The following MYO7B variants were observed in gnomAD, a reference collection of about 807,000 sequenced individuals.
MYO7B encodes myosin VIIB.
Under a neutral mutation model 259.7 loss-of-function variants are expected in MYO7B, and 212 were observed. The observed-to-expected ratio is 0.82, with a 90% CI of 0.73 to 0.91. MYO7B has a LOEUF of 0.91. MYO7B is among the 40% of genes least tolerant of loss of function. The probability of loss-of-function intolerance (pLI) is 0.00; values close to 1 mark genes in which losing one functional copy is unlikely to be tolerated. For missense variants in MYO7B, 2,732 were observed against 2,813.5 expected, an observed-to-expected ratio of 0.97 and a Z score of 0.66; for synonymous variants, 1,197 against 1,166.4, an observed-to-expected ratio of 1.03 and a Z score of -0.54.
Position 127,546,196 on chromosome 2 carries a change from C to T in MYO7B, c.-24+10365C>T, listed in dbSNP as rs982169247. Among the ~76,000 whole-genome samples, 7 of 152,246 alleles carry T rather than the reference C, an allele frequency of 4.6e-5. No homozygotes were observed. Among genetic ancestry groups the T allele is most frequent in the Non-Finnish European group, 8.8e-5 (6 of 68,044 alleles). ...GGCAAAGCTTTGTCAGTGCCCCTTC[C>T]GGGCTGGTATCCCATAGGCCAGAGT... is the stretch of plus-strand genomic sequence containing the variant. On this transcript the variant is annotated intron_variant, in intron 1 of 47. Transcript: ENST00000409816. The surrounding 1 kb of genome is among the most constrained non-coding windows in gnomAD (Gnocchi z 4.2).
rs149635421 is a variant in MYO7B, at chr2:127,612,182, G to A, written c.3193-68G>A. The A allele has an allele frequency of 2.0e-3, 1,085 of 529,276 alleles. 11 individuals are homozygous for A. The highest frequency in any genetic ancestry group is 0.018 in the African/African-American group (945 of 52,820). The allele number at this position is 529,276 out of a possible 1,614,324, so 32.8% of individuals were successfully genotyped here. A position where few individuals can be genotyped will look rare whatever the true frequency, so the allele number is the denominator to read the frequency against. Reference sequence around the variant, plus strand: ...AGGGACACGTGCTCCACCCCAGGAGGCTGTGGGGTCAGCATCACTGAGGTG... The same window carrying A: ...AGGGACACGTGCTCCACCCCAGGAGACTGTGGGGTCAGCATCACTGAGGTG... On this transcript the variant is annotated intron_variant, in intron 24 of 47. Transcript: ENST00000409816.
chr2:127,566,889 G>A, intron 5 of MYO7B, 62 bp downstream of exon 5: 1 of 1,535,006 alleles, frequency 6.5e-7, no homozygotes, highest in Non-Finnish European at 8.8e-7. Context: ...CCACCAGCAT[G>A]CCTGCAAGAT....
rs751120163 is a variant in MYO7B at position 127,567,660 on chromosome 2, G to A, written c.470+833G>A. On this transcript the variant is annotated intron_variant, in intron 5 of 47. Transcript: ENST00000409816. ...GGCGTGGATGACATGATCCACCTGG[G>A]GGATTCATTCATTCATTCATTCATT... 1.8e-4 allele frequency among the ~76,000 whole-genome samples: 27 copies of A among 151,746 alleles called. No individual in the cohort carries two copies. In the South Asian group the frequency reaches 2.1e-3, roughly 12 times the overall value.
At chr2:127,568,894 C>T (rs1011221747) in intron 5 of MYO7B, among the ~76,000 whole-genome samples, 3 of 144,850 alleles carry the variant, frequency 2.1e-5, no homozygotes, top group Non-Finnish European at 3.0e-5. Flanking sequence ...AGCAAGACTC[C>T]GTCTCAAAAA....
rs1258307648 is a variant in MYO7B, at chr2:127,597,380, G to GA, written c.2339+826dup. 6.6e-6 allele frequency among the ~76,000 whole-genome samples: 1 copy of GA among 152,142 alleles called. No homozygotes were observed. The highest frequency in any genetic ancestry group is 1.5e-5 in the Non-Finnish European group (1 of 68,034). ...TAATCTTCACCCATTTCCCCCAGTG[G>GA]AACGTCTTACCACCAGGATTCCTTC... is the stretch of plus-strand genomic sequence containing the variant. On this transcript the variant is annotated intron_variant, in intron 19 of 47. Coordinates refer to ENST00000409816, the MANE Select transcript of MYO7B (RefSeq NM_001393586.1). This position sits in a 1 kb window ranked among gnomAD's most constrained non-coding sequence, Gnocchi z 4.8.
In MYO7B at chr2:127,564,145, C is replaced by T; in HGVS notation, c.19-8C>T. On this transcript the variant is annotated splice_polypyrimidine_tract_variant and splice_region_variant and intron_variant, in intron 2 of 47. Transcript: ENST00000409816. ...GGATCACACCACTGTCTTCTGTCTG[C>T]CCTCCAGGGTGACCACGTGTGGCTG... 6.5e-7 allele frequency: 1 copy of T among 1,537,548 alleles called. No homozygotes were observed. The highest frequency in any genetic ancestry group is 8.8e-7 in the Non-Finnish European group (1 of 1,133,110).
intron 19 of MYO7B, 126 bp downstream of exon 19, chr2:127,596,682 C>A: frequency 1.4e-6 from 1 of 723,490 alleles, no homozygotes; most frequent in Non-Finnish European, 2.4e-6. Flanking sequence ...TGAGATCTTC[C>A]AATGCCTTCC....
Position 127,578,277 on chromosome 2 carries a change from G to A in MYO7B, c.994G>A (p.Gly332Arg). 6.2e-7 allele frequency: 1 copy of A among 1,613,674 alleles called. No individual in the cohort carries two copies. The highest frequency in any genetic ancestry group is 8.5e-7 in the Non-Finnish European group (1 of 1,179,870). The part of the protein sequence containing the change: ...LAAILHLGNV[G>R]FMASVFENLD... ...TGCCATTCTCCACCTGGGGAATGTGGGGTTCATGGGTAATGCCGGTTCTGC... is the reference window on the plus strand; with the variant it reads ...TGCCATTCTCCACCTGGGGAATGTGAGGTTCATGGGTAATGCCGGTTCTGC... Residue 332 changes from glycine to arginine, a missense_variant, in exon 9 of 48, where the codon GGG becomes AGG. Physicochemically the swap from Gly to Arg is moderately radical, Grantham distance 125 (BLOSUM62 -2). Transcript: ENST00000409816.
rs1679222520 is a variant in MYO7B, at chr2:127,584,346, C to T, written c.1554+14C>T. Reference sequence around the variant, plus strand: ...CGCTTCCCGCAGGTGTGTGTTCGGGCCTGCCGACCTTCTGGTGGAGGCCCT... The same window carrying T: ...CGCTTCCCGCAGGTGTGTGTTCGGGTCTGCCGACCTTCTGGTGGAGGCCCT... On this transcript the variant is annotated intron_variant, in intron 13 of 47. Coordinates refer to ENST00000409816, the MANE Select transcript of MYO7B (RefSeq NM_001393586.1). The surrounding 1 kb of genome is among the most constrained non-coding windows in gnomAD (Gnocchi z 5.8). 1.2e-6 allele frequency: 2 copies of T among 1,612,766 alleles called. No homozygotes were observed. The highest frequency in any genetic ancestry group is 1.1e-5 in the South Asian group (1 of 91,038).
chr2:127,595,908 T>C lies in MYO7B; in HGVS notation c.2245-554T>C, dbSNP rs138093264. ...ATTATGTGATCAATTTTAGAGTAAG[T>C]GCATGTGGTGCCGAGAAGAATGTAT... On this transcript the variant is annotated intron_variant, in intron 18 of 47. Transcript: ENST00000409816. 2.6e-3 allele frequency among the ~76,000 whole-genome samples: 392 copies of C among 152,328 alleles called. 2 individuals carry two copies. Among genetic ancestry groups the C allele is most frequent in the African/African-American group, 9.0e-3 (373 of 41,574 alleles).
chr2:127,576,887 G>A lies in MYO7B; in HGVS notation c.849+179G>A, dbSNP rs560495985. On this transcript the variant is annotated intron_variant, in intron 8 of 47. Coordinates refer to ENST00000409816, the MANE Select transcript of MYO7B (RefSeq NM_001393586.1). This position sits in a 1 kb window ranked among gnomAD's most constrained non-coding sequence, Gnocchi z 4.9. ...CTCTGCTGGGAATCACCTTGCCCGC[G>A]TGCCTCCCGCTTCCCCGTCACATGT... Among the ~76,000 whole-genome samples the A allele has an allele frequency of 4.6e-5, 7 of 152,098 alleles. No individual in the cohort carries two copies. Among genetic ancestry groups the A allele is most frequent in the South Asian group, 4.1e-4 (2 of 4,824 alleles).
In MYO7B at chr2:127,588,409, C is replaced by A. The variant is rs749720283; in HGVS notation, c.1708C>A (p.Arg570=). The stretch of plus-strand genomic sequence containing the variant: ...CTCCACAGGCTTCCTGGAGAAGAAC[C>A]GAGACGTGCTGAGCACAGATATCCT... ...YQAEGFLEKN[R]DVLSTDILTL... is the part of the protein sequence containing the mutation. The change falls in exon 15 of 48, where the codon CGA becomes AGA. Residue 570 remains arginine (R), a synonymous_variant. Transcript: ENST00000409816. The A allele has an allele frequency of 6.2e-7, 1 of 1,612,820 alleles. No individual in the cohort carries two copies. The highest frequency in any genetic ancestry group is 8.5e-7 in the Non-Finnish European group (1 of 1,179,780).
At position 127,635,828 on chromosome 2, in the gene MYO7B, TG is replaced by T; in HGVS notation, c.5929del (p.Ala1977LeufsTer7). 1 of 1,586,258 alleles carries T rather than the reference TG, an allele frequency of 6.3e-7. No individual in the cohort carries two copies. Among genetic ancestry groups the T allele is most frequent in the Non-Finnish European group, 8.6e-7 (1 of 1,166,730 alleles). On this transcript the variant is annotated frameshift_variant, in exon 44 of 48. Coordinates refer to ENST00000409816, the MANE Select transcript of MYO7B (RefSeq NM_001393586.1). LOFTEE classifies it high-confidence loss of function. Reference sequence around the variant, plus strand: ...CAGTTCAACAACGACCGGTCCCAGCTGGCTAGTGTCCCCAAGATCCTGAGGG... The same window carrying T: ...CAGTTCAACAACGACCGGTCCCAGCTGCTAGTGTCCCCAAGATCCTGAGGG... ...KAQFNNDRSQ[L>X]ASVPKILREL...
rs1480841040 is a variant in MYO7B at position 127,623,374 on chromosome 2, A to G, written c.3818A>G (p.Lys1273Arg). Residue 1273 changes from lysine (K) to arginine (R), a missense_variant and splice_region_variant, in exon 29 of 48, where the codon AAG (lysine) becomes AGG (arginine). By Grantham distance (26) the Lys-to-Arg change is conservative. Around this residue, in one of 3 missense-constraint regions of MYO7B, gnomAD observed 1,906 missense variants for 2,026.4 expected, o/e 0.94. Coordinates refer to ENST00000409816, the MANE Select transcript of MYO7B (RefSeq NM_001393586.1). ...TCCCTCCAGGTCGCCGTGTACGACA[A>G]GGTACCAGCCAGGCACCCTGCCCGT... is the stretch of plus-strand genomic sequence containing the variant. The part of the protein sequence containing the change: ...GFSLQVAVYD[K>R]FWSLGSGRDH... 1.9e-6 allele frequency: 3 copies of G among 1,581,828 alleles called. No individual in the cohort carries two copies. Among genetic ancestry groups the G allele is most frequent in the Non-Finnish European group, 2.6e-6 (3 of 1,164,646 alleles).
At chr2:127,588,272 G>A (rs1197943686) in intron 14 of MYO7B, 120 bp from the exon 15 acceptor site, 43 of 1,153,076 alleles carry the variant, frequency 3.7e-5, no homozygotes, top group Non-Finnish European at 8.5e-6. Flanking sequence ...GCCGTAGTGG[G>A]GCCATTGTAG....
intron 40 of MYO7B, among the ~76,000 whole-genome samples, chr2:127,633,836 C>T (rs908131620): frequency 3.9e-5 from 6 of 152,078 alleles, no homozygotes; most frequent in African/African-American, 1.4e-4. Flanking sequence ...GCTGAGAGGC[C>T]AAAGTGGGCA....
intron 1 of MYO7B, among the ~76,000 whole-genome samples, chr2:127,547,293 G>A (rs1266446302): frequency 2.6e-5 from 4 of 152,200 alleles, no homozygotes; most frequent in African/African-American, 9.7e-5. Context: ...GACACACACT[G>A]TAACACATAA....
intron 7 of MYO7B, among the ~76,000 whole-genome samples, chr2:127,574,476 G>T (rs1678782941): frequency 6.6e-6 from 1 of 152,356 alleles, no homozygotes; most frequent in East Asian, 1.9e-4. Flanking sequence ...GGAGGCAGAG[G>T]TTGCAGTGAG....
chr2:127,581,351 G>A (rs1477666951), intron 10 of MYO7B, among the ~76,000 whole-genome samples: 1 of 152,182 alleles, frequency 6.6e-6, no homozygotes, highest in East Asian at 1.9e-4. Context: ...TCTGCAATGG[G>A]GACATGGCAG....
Sources: gnomAD v4.1 joint callset for allele counts (sites outside exome capture counted in the v4.1 genomes callset) on GRCh38, gnomAD v4.1.1 for gene constraint, gnomAD v4.1.1 regional missense constraint, Gnocchi (gnomAD v3.1) non-coding constraint, MANE v1.5 for transcripts, NCBI Gene and HGNC (gene_info 2026-07-23, HGNC 2026-07-21) for gene names.